The following AGBL4 variants were observed in gnomAD, a reference collection of about 807,000 sequenced individuals.
The protein encoded by AGBL4 is AGBL carboxypeptidase 4.
Under a neutral mutation model 66.4 loss-of-function variants are expected in AGBL4, and 58 were observed. The ratio of observed to expected loss-of-function variants is 0.87; its 90% CI spans 0.71 to 1.09. The LOEUF (loss-of-function observed/expected upper bound fraction) is 1.09. AGBL4 is among the 50% of genes least tolerant of loss of function. AGBL4 has a pLI of 0.00. For synonymous variants in AGBL4, 234 were observed against 222.9 expected, an observed-to-expected ratio of 1.05 and a Z score of -0.44; for missense variants, 579 against 631.0, an observed-to-expected ratio of 0.92 and a Z score of 0.88.
At chr1:49,222,769 A>T (rs1649598397) in intron 4 of AGBL4, among the ~76,000 whole-genome samples, 2 of 152,232 alleles carry the variant, frequency 1.3e-5, no homozygotes, top group Admixed American at 1.3e-4. Flanking sequence ...TAATAAATGG[A>T]CTGCTCATTC....
intron 5 of AGBL4, among the ~76,000 whole-genome samples, chr1:48,890,882 G>C (rs567141752): frequency 2.0e-5 from 3 of 152,156 alleles, no homozygotes; most frequent in Non-Finnish European, 4.4e-5. Flanking sequence ...GGAAATGGTC[G>C]TGTTGGTGAG....
intron 6 of AGBL4, among the ~76,000 whole-genome samples, chr1:48,835,968 G>A (rs959569799): frequency 6.6e-6 from 1 of 152,098 alleles, no homozygotes; most frequent in African/African-American, 2.4e-5. Context: ...GTCACTGAAA[G>A]GTTTTAAGCC....
chr1:49,662,995 T>C lies in AGBL4; in HGVS notation c.282+34318A>G, dbSNP rs1013420903. The stretch of plus-strand genomic sequence containing the variant: ...ACAAATGATGCTTCTTGGCACATAC[T>C]GGGTTTAGATAAGTCTCTCTTTGTT... On this transcript the variant is annotated intron_variant, in intron 3 of 13. Transcript: ENST00000371839. Among the ~76,000 whole-genome samples, 6 of 152,242 alleles carry C rather than the reference T, an allele frequency of 3.9e-5. No homozygotes were observed. The Middle Eastern group carries it at 0.014, about 345-fold the overall frequency.
rs76622150 is a variant in AGBL4, at chr1:49,531,677, T to C, written c.282+165636A>G. ...AGTTATTATTATCCCTATTTACAGA[T>C]AAGACAACTGGGGTTCTGACAAGTT... is the stretch of plus-strand genomic sequence containing the variant. On this transcript the variant is annotated intron_variant, in intron 3 of 13. Transcript: ENST00000371839. 6.9e-3 allele frequency among the ~76,000 whole-genome samples: 1,051 copies of C among 152,186 alleles called. 11 individuals are homozygous for C. Among genetic ancestry groups the C allele is most frequent in the African/African-American group, 0.024 (977 of 41,554 alleles).
At chr1:49,427,278 G>A (rs1645683058) in intron 3 of AGBL4, among the ~76,000 whole-genome samples, 1 of 152,100 alleles carries the variant, frequency 6.6e-6, no homozygotes, top group Non-Finnish European at 1.5e-5. Context: ...GGTGGGCCTT[G>A]AAGAGAATGT....
At chr1:49,162,167 C>T (rs1646552978) in intron 4 of AGBL4, among the ~76,000 whole-genome samples, 1 of 152,100 alleles carries the variant, frequency 6.6e-6, no homozygotes, top group Non-Finnish European at 1.5e-5. Flanking sequence ...ACACTGGCCA[C>T]TATGTTAATA....
At chr1:49,153,175 T>G (rs1422482169) in intron 4 of AGBL4, among the ~76,000 whole-genome samples, 1 of 152,154 alleles carries the variant, frequency 6.6e-6, no homozygotes, top group East Asian at 1.9e-4. Flanking sequence ...TGCCTCATGA[T>G]GCCCTAATCT....
chr1:49,650,699 C>T (rs778953754), intron 3 of AGBL4, among the ~76,000 whole-genome samples: 13 of 152,202 alleles, frequency 8.5e-5, no homozygotes, highest in Non-Finnish European at 1.0e-4. Flanking sequence ...TTGCAGGATC[C>T]CTTCAACATG....
chr1:48,686,177 T>G (rs1646528099), intron 6 of AGBL4, among the ~76,000 whole-genome samples: 1 of 152,178 alleles, frequency 6.6e-6, no homozygotes, highest in Non-Finnish European at 1.5e-5. Flanking sequence ...CCTTCATATC[T>G]TAGCTTAGTT....
At chr1:48,847,797 A>G (rs983161871) in intron 6 of AGBL4, among the ~76,000 whole-genome samples, 7 of 152,158 alleles carry the variant, frequency 4.6e-5, no homozygotes, top group African/African-American at 1.7e-4. Flanking sequence ...AAATTAAATG[A>G]TTTTTTACAT....
intron 6 of AGBL4, among the ~76,000 whole-genome samples, chr1:48,687,019 A>G (rs1362507232): frequency 6.6e-6 from 1 of 150,472 alleles, no homozygotes; most frequent in East Asian, 2.0e-4. Context: ...GCAGGCAGGA[A>G]CAGTGAAACT....
intron 2 of AGBL4, among the ~76,000 whole-genome samples, chr1:49,715,661 T>G (rs1648059344): frequency 6.6e-6 from 1 of 152,180 alleles, no homozygotes; most frequent in Admixed American, 6.5e-5. Context: ...CTAACTGGCA[T>G]GAGATGGTAT....
intron 4 of AGBL4, among the ~76,000 whole-genome samples, chr1:49,098,496 C>A (rs1645147370): frequency 1.3e-5 from 2 of 152,170 alleles, no homozygotes; most frequent in Admixed American, 1.3e-4. Flanking sequence ...AGAGTAACAT[C>A]CATCATCTCT....
At chr1:49,072,723 G>C (rs1644632953) in intron 4 of AGBL4, among the ~76,000 whole-genome samples, 1 of 151,992 alleles carries the variant, frequency 6.6e-6, no homozygotes, top group African/African-American at 2.4e-5. Context: ...ATGTGTCTTG[G>C]GGTTGCTCTT....
chr1:49,522,578 G>C lies in AGBL4; in HGVS notation c.282+174735C>G, dbSNP rs953667465. Among the ~76,000 whole-genome samples, 13 of 152,098 alleles carry C rather than the reference G, an allele frequency of 8.5e-5. 1 individual carries two copies. The highest frequency in any genetic ancestry group is 2.4e-4 in the African/African-American group (10 of 41,426). The stretch of plus-strand genomic sequence containing the variant: ...CCAGTCCAGTAGCTGCCTTATGATA[G>C]ATTCTCAATAAATATTTGTTGAATG... On this transcript the variant is annotated intron_variant, in intron 3 of 13. Coordinates refer to ENST00000371839, the MANE Select transcript of AGBL4 (RefSeq NM_032785.4).
chr1:49,324,692 A>G (rs1012293242), intron 3 of AGBL4, among the ~76,000 whole-genome samples: 1 of 152,220 alleles, frequency 6.6e-6, no homozygotes, highest in Non-Finnish European at 1.5e-5. Flanking sequence ...CCATCTTTAC[A>G]TTCAACAATG....
rs1394173268 is a variant in AGBL4, at chr1:48,860,016, A to G, written c.634+7175T>C. 4.6e-5 allele frequency among the ~76,000 whole-genome samples: 7 copies of G among 152,224 alleles called. No individual in the cohort carries two copies. The East Asian group carries it at 9.6e-4, about 21-fold the overall frequency. ...ATGTTCACACTACATTCGAATAACA[A>G]TAGTTTATATGGTATCATTCAAATT... is the stretch of plus-strand genomic sequence containing the variant. On this transcript the variant is annotated intron_variant, in intron 6 of 13. Coordinates refer to ENST00000371839, the MANE Select transcript of AGBL4 (RefSeq NM_032785.4).
intron 3 of AGBL4, among the ~76,000 whole-genome samples, chr1:49,512,302 T>C (rs1459056145): frequency 1.3e-5 from 2 of 152,052 alleles, no homozygotes; most frequent in African/African-American, 4.8e-5. Flanking sequence ...CTATGAAATA[T>C]TGAACCAGCT....
At chr1:49,227,404 C>T (rs1649995791) in intron 4 of AGBL4, among the ~76,000 whole-genome samples, 1 of 152,098 alleles carries the variant, frequency 6.6e-6, no homozygotes, top group African/African-American at 2.4e-5. Context: ...ACCTGGATTA[C>T]AACGAATGTG....
Sources: allele counts gnomAD v4.1 joint callset (sites outside exome capture counted in the v4.1 genomes callset), GRCh38; gene constraint gnomAD v4.1.1; transcripts MANE v1.5; gene names NCBI Gene and HGNC (gene_info 2026-07-23, HGNC 2026-07-21).